The following PTH2R variants were observed in gnomAD, a reference collection of about 807,000 sequenced individuals.
PTH2R encodes the protein PTH2 receptor.
Under a neutral mutation model 60.3 loss-of-function variants are expected in PTH2R, and 59 were observed. The observed-to-expected ratio is 0.98, with a 90% confidence interval of 0.79 to 1.22. PTH2R has a LOEUF of 1.22. Among genes scored for constraint, PTH2R ranks in the 50% most tolerant of loss-of-function variants. The pLI, the probability that PTH2R is intolerant of heterozygous loss-of-function variation, is 0.00. For missense variants in PTH2R, 749 were observed against 682.6 expected (o/e 1.10, Z -1.08); for synonymous variants, 256 against 243.8 (o/e 1.05, Z -0.47).
At chr2:208,400,507 C>G (rs1458408945) in intron 1 of PTH2R, among the ~76,000 whole-genome samples, 1 of 152,140 alleles carries the variant, frequency 6.6e-6, no homozygotes, top group African/African-American at 2.4e-5. Context: ...TCTAGTTTAA[C>G]CTGGTATCCT....
intron 1 of PTH2R, among the ~76,000 whole-genome samples, chr2:208,401,438 C>A (rs1320699220): frequency 6.6e-6 from 1 of 151,026 alleles, no homozygotes; most frequent in Non-Finnish European, 1.5e-5. Flanking sequence ...CCAAGACTTG[C>A]AAAAAGGTTT....
At chr2:208,422,716 A>G (rs1031759759) in intron 1 of PTH2R, among the ~76,000 whole-genome samples, 2 of 152,126 alleles carry the variant, frequency 1.3e-5, no homozygotes, top group Non-Finnish European at 2.9e-5. Context: ...CAGTTGGAAG[A>G]ACTAACGAGA....
chr2:208,445,595 GT>G (rs1487671142), intron 7 of PTH2R, among the ~76,000 whole-genome samples: 33 of 152,180 alleles, frequency 2.2e-4, no homozygotes, highest in African/African-American at 7.5e-4. Context: ...GAGATTAACA[GT>G]TGCAGATCTC....
At position 208,386,253 on chromosome 2, in the gene PTH2R, T is replaced by C. The variant is rs536608623; in HGVS notation, c.-259+26016T>C. On this transcript the variant is annotated intron_variant, in intron 1 of 12. Transcript: ENST00000617735. ...TAACTCTCATTGATACGTGTATACA[T>C]CTGTCACTCTGTGTTTGTGCTGTGA... 3.3e-5 allele frequency among the ~76,000 whole-genome samples: 5 copies of C among 152,310 alleles called. No individual in the cohort carries two copies. In the South Asian group the frequency reaches 1.0e-3, roughly 32 times the overall value.
chr2:208,469,940 A>G (rs1702843602), intron 9 of PTH2R: 1 of 152,294 alleles, frequency 6.6e-6, no homozygotes, highest in South Asian at 2.1e-4. Context: ...CTGGCCTGAA[A>G]GAAGTGGGAA....
intron 9 of PTH2R, among the ~76,000 whole-genome samples, chr2:208,463,572 G>A (rs896873996): frequency 1.3e-5 from 2 of 152,024 alleles, no homozygotes; most frequent in African/African-American, 2.4e-5. Context: ...TGTAGATTAC[G>A]AGAGTTAATC....
chr2:208,411,334 G>C (rs1559211848), intron 1 of PTH2R, among the ~76,000 whole-genome samples: 1 of 152,212 alleles, frequency 6.6e-6, no homozygotes, highest in African/African-American at 2.4e-5. Context: ...TGTAGTTAAA[G>C]ATAAGAGAGT....
chr2:208,404,788 T>A (rs2105827645), upstream of PTH2R, among the ~76,000 whole-genome samples: 1 of 152,214 alleles, frequency 6.6e-6, no homozygotes, highest in Non-Finnish European at 1.5e-5. Flanking sequence ...TGGCCAGACT[T>A]CCCTGTTGTT....
At chr2:208,415,909 G>A (rs1343243710) in intron 1 of PTH2R, among the ~76,000 whole-genome samples, 1 of 152,148 alleles carries the variant, frequency 6.6e-6, no homozygotes, top group Admixed American at 6.5e-5. Context: ...ATTGTAGCAG[G>A]CATGAAATGT....
At chr2:208,374,056 C>A (rs960584944) in intron 1 of PTH2R, among the ~76,000 whole-genome samples, 3 of 151,222 alleles carry the variant, frequency 2.0e-5, no homozygotes, top group Non-Finnish European at 2.9e-5. Context: ...AATAGCCCCA[C>A]CTTAAAGACT....
intron 9 of PTH2R, among the ~76,000 whole-genome samples, chr2:208,464,718 A>G (rs549808240): frequency 6.6e-6 from 1 of 152,298 alleles, no homozygotes; most frequent in African/African-American, 2.4e-5. Context: ...TTTGCCATCT[A>G]TAAAATGGGA....
exon 1 of PTH2R, chr2:208,360,179 C>T (rs925113036): frequency 2.2e-6 from 1 of 454,796 alleles, no homozygotes; most frequent in Non-Finnish European, 4.4e-6. Flanking sequence ...CTTTTCTCTT[C>T]TTTTTCTACG....
intron 10 of PTH2R, among the ~76,000 whole-genome samples, chr2:208,484,017 T>G (rs1195645889): frequency 1.3e-5 from 2 of 152,244 alleles, no homozygotes; most frequent in Non-Finnish European, 2.9e-5. Context: ...TAATTAAGTA[T>G]TTAAATTTAT....
chr2:208,459,749 G>T, intron 8 of PTH2R, 146 bp from the exon 9 acceptor site: 1 of 674,902 alleles, frequency 1.5e-6, no homozygotes, highest in East Asian at 2.7e-5. Context: ...CCACTGGCTT[G>T]GGTGTTTTAA....
At chr2:208,423,995 GTGGTCC>G (rs1701806881) in intron 1 of PTH2R, among the ~76,000 whole-genome samples, 2 of 152,272 alleles carry the variant, frequency 1.3e-5, no homozygotes, top group South Asian at 4.1e-4. Flanking sequence ...GGGCTGCTCC[GTGGTCC>G]TGATGTGTGG....
chr2:208,458,522 G>A (rs1412820084), intron 8 of PTH2R, among the ~76,000 whole-genome samples: 4 of 152,054 alleles, frequency 2.6e-5, no homozygotes, highest in African/African-American at 9.7e-5. Context: ...ACAGAGGTTT[G>A]TTGTACATAA....
intron 9 of PTH2R, among the ~76,000 whole-genome samples, chr2:208,471,508 G>A (rs2105897245): frequency 6.6e-6 from 1 of 152,380 alleles, no homozygotes; most frequent in African/African-American, 2.4e-5. Context: ...AGCCTTGGCA[G>A]CTTCCATGTG....
intron 6 of PTH2R, among the ~76,000 whole-genome samples, chr2:208,443,861 C>A (rs1003182596): frequency 6.6e-6 from 1 of 152,178 alleles, no homozygotes; most frequent in Non-Finnish European, 1.5e-5. Context: ...AAAATCCCAT[C>A]AGCAAAACCA....
At chr2:208,438,702 C>T (rs1032596406) in intron 4 of PTH2R, among the ~76,000 whole-genome samples, 7 of 152,058 alleles carry the variant, frequency 4.6e-5, no homozygotes. Flanking sequence ...TATGAAAACC[C>T]TGAGAATAGT....
Sources: gnomAD v4.1 joint callset for allele counts (sites outside exome capture counted in the v4.1 genomes callset) on GRCh38, gnomAD v4.1.1 for gene constraint, MANE v1.5 for transcripts, NCBI Gene and HGNC (gene_info 2026-07-23, HGNC 2026-07-21) for gene names.